The following DGKB variants were observed in gnomAD, a reference collection of about 807,000 sequenced individuals.
DGKB encodes the protein diacylglycerol kinase beta.
DGKB carries 67 observed loss-of-function variants against 114.3 expected under a neutral mutation model. The observed-to-expected ratio is 0.59, with a 90% CI of 0.48 to 0.72. The LOEUF (loss-of-function observed/expected upper bound fraction) is 0.72. Ranked by LOEUF, DGKB falls within the 30% of genes least tolerant of loss-of-function variation. The probability of loss-of-function intolerance (pLI) is 0.00; values close to 1 mark genes in which losing one functional copy is unlikely to be tolerated. For missense variants in DGKB, 907 were observed against 975.2 expected, an observed-to-expected ratio of 0.93 and a Z score of 0.93; for synonymous variants, 398 against 323.1, an observed-to-expected ratio of 1.23 and a Z score of -2.49.
Position 14,757,662 on chromosome 7 carries a change from G to A in DGKB, c.140C>T (p.Pro47Leu). 1.3e-6 allele frequency: 2 copies of A among 1,587,384 alleles called. No individual in the cohort carries two copies. The highest frequency in any genetic ancestry group is 1.7e-6 in the Non-Finnish European group (2 of 1,158,358). ...HGNGVLAKYN[P>L]EGKQDILNQT... ...AAGAAAAAGAAGTTTTACCCCTTCA[G>A]GATTATACTTTGCAAGCACACCATT... Residue 47 changes from proline (P) to leucine (L), a missense_variant, in exon 3 of 26, where the codon CCT becomes CTT. By Grantham distance (98) the Pro-to-Leu change is moderately conservative. Coordinates refer to ENST00000402815, the MANE Select transcript of DGKB (RefSeq NM_001350709.2).
chr7:14,822,200 C>G (rs1050889551), intron 2 of DGKB, among the ~76,000 whole-genome samples: 1 of 152,006 alleles, frequency 6.6e-6, no homozygotes, highest in African/African-American at 2.4e-5. Flanking sequence ...TTATTCAAAC[C>G]TGAAATTGAG....
At chr7:14,275,920 A>G (rs1798924432) in intron 23 of DGKB, among the ~76,000 whole-genome samples, 1 of 152,212 alleles carries the variant, frequency 6.6e-6, no homozygotes, top group Non-Finnish European at 1.5e-5. Context: ...ATTAATTCTT[A>G]TCTAATTCAT....
At chr7:14,699,524 G>A (rs985487398) in intron 7 of DGKB, among the ~76,000 whole-genome samples, 1 of 151,870 alleles carries the variant, frequency 6.6e-6, no homozygotes, top group African/African-American at 2.4e-5. Flanking sequence ...TATACAAAAG[G>A]CATTTATTTT....
intron 21 of DGKB, among the ~76,000 whole-genome samples, chr7:14,415,677 A>G (rs991799995): frequency 4.6e-5 from 7 of 152,138 alleles, no homozygotes; most frequent in African/African-American, 1.4e-4. Flanking sequence ...TCATTATTGG[A>G]CATTTGGGTT....
At chr7:14,860,655 A>G (rs943645386) in intron 1 of DGKB, among the ~76,000 whole-genome samples, 2 of 151,900 alleles carry the variant, frequency 1.3e-5, no homozygotes, top group African/African-American at 4.8e-5. Flanking sequence ...TTTTAATTAG[A>G]TGATTTTTAC....
intron 21 of DGKB, among the ~76,000 whole-genome samples, chr7:14,471,500 G>A (rs1202929019): frequency 6.7e-6 from 1 of 149,240 alleles, no homozygotes; most frequent in Non-Finnish European, 1.5e-5. Context: ...GTATACTGCT[G>A]ACATATAAAT....
At chr7:14,918,576 T>C (rs1431033028) in intron 1 of DGKB, among the ~76,000 whole-genome samples, 2 of 152,092 alleles carry the variant, frequency 1.3e-5, no homozygotes, top group Non-Finnish European at 2.9e-5. Flanking sequence ...AGGATGTATA[T>C]GATGAAATTT....
At chr7:14,195,915 A>G (rs552758325) in intron 23 of DGKB, among the ~76,000 whole-genome samples, 4 of 152,198 alleles carry the variant, frequency 2.6e-5, no homozygotes, top group African/African-American at 9.6e-5. Flanking sequence ...TATTGTGCAT[A>G]AAACCATTGC....
intron 20 of DGKB, among the ~76,000 whole-genome samples, chr7:14,558,089 A>G (rs1271986741): frequency 6.6e-6 from 1 of 150,450 alleles, no homozygotes; most frequent in Non-Finnish European, 1.5e-5. Context: ...CTGTCTCTTT[A>G]TATATATCTA....
At chr7:14,503,687 G>A (rs1489608957) in intron 20 of DGKB, among the ~76,000 whole-genome samples, 1 of 152,092 alleles carries the variant, frequency 6.6e-6, no homozygotes, top group East Asian at 1.9e-4. Context: ...ACTTACTTTA[G>A]GATTCCAATT....
intron 6 of DGKB, among the ~76,000 whole-genome samples, chr7:14,703,735 C>T (rs1825635720): frequency 6.6e-6 from 1 of 152,132 alleles, no homozygotes; most frequent in African/African-American, 2.4e-5. Flanking sequence ...TTCATTTGGT[C>T]ATCGTTCCTG....
At chr7:14,967,399 G>A (rs966837542) in intron 1 of DGKB, among the ~76,000 whole-genome samples, 4 of 151,510 alleles carry the variant, frequency 2.6e-5, no homozygotes, top group Admixed American at 2.0e-4. Context: ...CAGCTCACTG[G>A]AACTTCTGCC....
chr7:14,773,114 C>T (rs541269776), intron 2 of DGKB, among the ~76,000 whole-genome samples: 5 of 152,188 alleles, frequency 3.3e-5, no homozygotes, highest in East Asian at 1.9e-4. Context: ...GTATCTAATA[C>T]TTTACAAGAC....
chr7:14,495,394 C>T (rs914099077), intron 20 of DGKB, among the ~76,000 whole-genome samples: 4 of 151,766 alleles, frequency 2.6e-5, no homozygotes, highest in African/African-American at 7.2e-5. Context: ...ACAACAATTT[C>T]ACTGTTATTA....
intron 21 of DGKB, among the ~76,000 whole-genome samples, chr7:14,409,109 T>A (rs1362755646): frequency 6.6e-5 from 10 of 152,062 alleles, no homozygotes; most frequent in Admixed American, 5.9e-4. Flanking sequence ...TGCATAAAAT[T>A]AACTGTAGTA....
chr7:14,355,767 G>A (rs766538542), intron 21 of DGKB, among the ~76,000 whole-genome samples: 7 of 152,062 alleles, frequency 4.6e-5, no homozygotes, highest in Admixed American at 6.6e-5. Flanking sequence ...GCCAGGCTTC[G>A]GTATCAGGAT....
chr7:14,401,744 C>G (rs1823135579), intron 21 of DGKB, among the ~76,000 whole-genome samples: 1 of 151,582 alleles, frequency 6.6e-6, no homozygotes, highest in Non-Finnish European at 1.5e-5. Flanking sequence ...TATAGTTAAC[C>G]AATTCACCCT....
intron 21 of DGKB, among the ~76,000 whole-genome samples, chr7:14,393,109 C>A (rs1448584195): frequency 6.6e-6 from 1 of 150,786 alleles, no homozygotes; most frequent in Non-Finnish European, 1.5e-5. Context: ...CCTGCCTCAG[C>A]CTCCCGCGTA....
At chr7:14,540,289 T>A (rs930386718) in intron 20 of DGKB, among the ~76,000 whole-genome samples, 5 of 152,166 alleles carry the variant, frequency 3.3e-5, no homozygotes, top group Admixed American at 2.6e-4. Context: ...GAAGCGCTGG[T>A]CTTTTCCTTG....
Sources: allele counts gnomAD v4.1 joint callset (sites outside exome capture counted in the v4.1 genomes callset), GRCh38; gene constraint gnomAD v4.1.1; transcripts MANE v1.5; gene names NCBI Gene and HGNC (gene_info 2026-07-23, HGNC 2026-07-21).